Variants in TAFA1 observed in about 807,000 individuals in gnomAD.
TAFA1 encodes the protein TAFA chemokine like family member 1, also known as chemokine-like protein TAFA-1.
A neutral mutation model predicts 18.5 loss-of-function variants in TAFA1; 4 were observed. That is an observed-to-expected ratio of 0.22 (90% confidence interval 0.11 to 0.49). TAFA1 has a LOEUF of 0.49. TAFA1 is among the 20% of genes least tolerant of loss of function. The probability of loss-of-function intolerance (pLI) is 0.98; values close to 1 mark genes in which losing one functional copy is unlikely to be tolerated. For missense variants in TAFA1, 147 were observed against 169.0 expected, an observed-to-expected ratio of 0.87 and a Z score of 0.72; for synonymous variants, 56 against 55.2, an observed-to-expected ratio of 1.01 and a Z score of -0.06.
At chr3:68,209,103 T>C (rs775234674) in intron 2 of TAFA1, among the ~76,000 whole-genome samples, 11 of 151,912 alleles carry the variant, frequency 7.2e-5, no homozygotes, top group Non-Finnish European at 1.5e-4. Flanking sequence ...GCCATACAAC[T>C]GCAAGGAAAT....
intron 2 of TAFA1, among the ~76,000 whole-genome samples, chr3:68,400,187 G>T (rs1348107217): frequency 6.6e-6 from 1 of 152,098 alleles, no homozygotes; most frequent in Non-Finnish European, 1.5e-5. Flanking sequence ...AATGGGGTAG[G>T]GGTGGTCACT....
At chr3:68,423,974 A>G (rs886716153) in intron 3 of TAFA1, among the ~76,000 whole-genome samples, 1 of 152,030 alleles carries the variant, frequency 6.6e-6, no homozygotes, top group African/African-American at 2.4e-5. Context: ...GCCGTCTTAT[A>G]CTGGATCACC....
At chr3:68,454,914 G>A (rs375845609) in intron 3 of TAFA1, among the ~76,000 whole-genome samples, 5 of 151,888 alleles carry the variant, frequency 3.3e-5, no homozygotes, top group African/African-American at 9.7e-5. Context: ...ACAGGGTTAG[G>A]AGCACCAATC....
At chr3:68,044,204 A>C (rs898869051) in intron 2 of TAFA1, among the ~76,000 whole-genome samples, 2 of 152,196 alleles carry the variant, frequency 1.3e-5, no homozygotes, top group Non-Finnish European at 2.9e-5. Flanking sequence ...AAGGATTATG[A>C]ACTTCTCCCT....
chr3:68,355,614 C>T (rs184101536), intron 2 of TAFA1, among the ~76,000 whole-genome samples: 109 of 152,064 alleles, frequency 7.2e-4, no homozygotes, highest in Admixed American at 7.1e-3. Flanking sequence ...ATCCCCCAAT[C>T]CCAGACTGCG....
At position 68,263,114 on chromosome 3, in the gene TAFA1, A is replaced by G. The variant is rs182150771; in HGVS notation, c.119-154166A>G. Reference sequence around the variant, plus strand: ...TTTGATTTTATTCAGAAATATTTTTAAGAGATGGTGTCTTACTATGATGCC... The same window carrying G: ...TTTGATTTTATTCAGAAATATTTTTGAGAGATGGTGTCTTACTATGATGCC... On this transcript the variant is annotated intron_variant, in intron 2 of 4. Transcript: ENST00000478136. Among the ~76,000 whole-genome samples, 519 of 152,224 alleles carry G rather than the reference A, an allele frequency of 3.4e-3. 1 individual carries two copies. Among genetic ancestry groups the G allele is most frequent in the Non-Finnish European group, 6.4e-3 (435 of 68,008 alleles).
At chr3:68,471,971 G>A (rs182059809) in intron 3 of TAFA1, among the ~76,000 whole-genome samples, 1 of 152,270 alleles carries the variant, frequency 6.6e-6, no homozygotes, top group Admixed American at 6.5e-5. Context: ...ACTCTCAGAT[G>A]AGACTTTGCA....
At chr3:68,215,128 T>C (rs894628601) in intron 2 of TAFA1, among the ~76,000 whole-genome samples, 9 of 152,098 alleles carry the variant, frequency 5.9e-5, no homozygotes, top group African/African-American at 2.2e-4. Flanking sequence ...ATAACTGAAA[T>C]CAAAACCTGA....
chr3:68,198,411 T>C (rs1463496931), intron 2 of TAFA1, among the ~76,000 whole-genome samples: 1 of 151,642 alleles, frequency 6.6e-6, no homozygotes, highest in African/African-American at 2.4e-5. Context: ...GTGAATCTTA[T>C]GGTGAGAGTA....
chr3:68,211,892 C>A (rs2066601866), intron 2 of TAFA1, among the ~76,000 whole-genome samples: 1 of 152,036 alleles, frequency 6.6e-6, no homozygotes, highest in African/African-American at 2.4e-5. Flanking sequence ...GAGGAATCCA[C>A]CCTCATGATC....
chr3:68,500,841 C>T (rs2072644821), intron 3 of TAFA1, among the ~76,000 whole-genome samples: 1 of 151,950 alleles, frequency 6.6e-6, no homozygotes. Flanking sequence ...AGATGATTCT[C>T]CAAAGGAAAT....
intron 2 of TAFA1, among the ~76,000 whole-genome samples, chr3:68,224,011 A>C (rs1194330160): frequency 6.6e-6 from 1 of 150,882 alleles, no homozygotes; most frequent in Non-Finnish European, 1.5e-5. Flanking sequence ...AAATTTATTG[A>C]GCCCAGATTT....
At chr3:68,081,636 G>A (rs2064901839) in intron 2 of TAFA1, among the ~76,000 whole-genome samples, 1 of 152,194 alleles carries the variant, frequency 6.6e-6, no homozygotes, top group Non-Finnish European at 1.5e-5. Flanking sequence ...GGGGTCAGGG[G>A]TCAGGGACCC....
At chr3:68,280,855 G>C (rs997804464) in intron 2 of TAFA1, among the ~76,000 whole-genome samples, 2 of 152,054 alleles carry the variant, frequency 1.3e-5, no homozygotes, top group African/African-American at 4.8e-5. Flanking sequence ...GATAAGTTCA[G>C]ATCTTGGTTC....
intron 2 of TAFA1, among the ~76,000 whole-genome samples, chr3:68,403,492 A>G (rs1016881603): frequency 2.0e-5 from 3 of 152,242 alleles, no homozygotes; most frequent in African/African-American, 7.2e-5. Context: ...CTGTAGGCCA[A>G]ATCTGGTGCA....
Position 68,006,630 on chromosome 3 carries a change from G to T in TAFA1, c.4G>T (p.Ala2Ser), listed in dbSNP as rs752228534. Residue 2 changes from alanine (A) to serine (S), a missense_variant, in exon 2 of 5, where the codon GCA becomes TCA. Coordinates refer to ENST00000478136, the MANE Select transcript of TAFA1 (RefSeq NM_213609.4). ...TGTCGAATGTTCTCTTTAGAGAATG[G>T]CAATGGTCTCTGCGATGTCCTGGGT... M[A>S]MVSAMSWVLY... The T allele has an allele frequency of 1.2e-6, 2 of 1,610,820 alleles. No individual in the cohort carries two copies. Among genetic ancestry groups the T allele is most frequent in the Non-Finnish European group, 1.7e-6 (2 of 1,177,036 alleles).
intron 2 of TAFA1, among the ~76,000 whole-genome samples, chr3:68,238,289 TCCTC>T (rs2107130744): frequency 6.6e-6 from 1 of 152,264 alleles, no homozygotes; most frequent in East Asian, 1.9e-4. Context: ...GGAAGAACCT[TCCTC>T]CCTCAGGCTG....
chr3:68,364,348 T>C (rs1187859842), intron 2 of TAFA1, among the ~76,000 whole-genome samples: 2 of 152,190 alleles, frequency 1.3e-5, no homozygotes, highest in East Asian at 1.9e-4. Context: ...CAGGAAACTT[T>C]AGAAAACTAC....
intron 2 of TAFA1, among the ~76,000 whole-genome samples, 184 bp downstream of exon 2, chr3:68,006,928 C>A (rs1299390709): frequency 6.6e-6 from 1 of 152,166 alleles, no homozygotes; most frequent in Non-Finnish European, 1.5e-5. Flanking sequence ...GGAGGTATTT[C>A]TATTAATTTC....
Sources: allele counts gnomAD v4.1 joint callset (sites outside exome capture counted in the v4.1 genomes callset), GRCh38; gene constraint gnomAD v4.1.1; transcripts MANE v1.5; gene names NCBI Gene and HGNC (gene_info 2026-07-23, HGNC 2026-07-21).